The following PTPRD variants were observed in gnomAD, a reference collection of about 807,000 sequenced individuals.
The protein encoded by PTPRD is receptor-type tyrosine-protein phosphatase delta.
In PTPRD, 34 loss-of-function variants were observed where a neutral mutation model predicts 214.5. The observed-to-expected ratio is 0.16, with a 90% CI of 0.12 to 0.21. The LOEUF is 0.21. Among genes scored for constraint, PTPRD ranks in the 10% least tolerant of loss-of-function variants. PTPRD has a pLI of 1.00. For synonymous variants in PTPRD, 1,128 were observed against 845.7 expected (o/e 1.33, Z -5.79); for missense variants, 2,545 against 2,398.7 (o/e 1.06, Z -1.27).
chr9:9,642,709 C>G (rs534138432), intron 7 of PTPRD, among the ~76,000 whole-genome samples: 1 of 152,144 alleles, frequency 6.6e-6, no homozygotes, highest in Non-Finnish European at 1.5e-5. Context: ...AAAACACACA[C>G]AGAGGTAAAT....
At chr9:8,359,732 G>A (rs966313490) in intron 39 of PTPRD, among the ~76,000 whole-genome samples, 1 of 152,172 alleles carries the variant, frequency 6.6e-6, no homozygotes, top group Non-Finnish European at 1.5e-5. Flanking sequence ...CAGGTGGAGA[G>A]ACTCAGGAAC....
At chr9:10,054,308 G>A (rs972640172) in intron 3 of PTPRD, among the ~76,000 whole-genome samples, 3 of 152,138 alleles carry the variant, frequency 2.0e-5, no homozygotes, top group Admixed American at 1.3e-4. Flanking sequence ...TACCAGCAGA[G>A]AAATTTTATG....
At chr9:9,917,132 T>C (rs963912235) in intron 5 of PTPRD, among the ~76,000 whole-genome samples, 1 of 149,274 alleles carries the variant, frequency 6.7e-6, no homozygotes, top group Non-Finnish European at 1.5e-5. Context: ...AAATAAACAA[T>C]CTAACAATGA....
At chr9:8,712,740 G>T (rs1360554646) in intron 12 of PTPRD, among the ~76,000 whole-genome samples, 1 of 151,888 alleles carries the variant, frequency 6.6e-6, no homozygotes, top group Non-Finnish European at 1.5e-5. Flanking sequence ...TGGGGGGCAT[G>T]GACTTTCCCT....
rs1962390064 is a variant in PTPRD at position 9,315,651 on chromosome 9, TC to T, written c.-203+81797del. On this transcript the variant is annotated intron_variant, in intron 9 of 45. Transcript: ENST00000381196. ...TGGATCATGCTTTATATATTAACTT[TC>T]ATCTCATAATAATCATAAACACATT... Among the ~76,000 whole-genome samples, 4 of 151,928 alleles carry T rather than the reference TC, an allele frequency of 2.6e-5. No homozygotes were observed. The South Asian group carries it at 8.3e-4, about 32-fold the overall frequency.
intron 3 of PTPRD, among the ~76,000 whole-genome samples, chr9:10,162,933 T>G (rs1030445812): frequency 2.1e-4 from 31 of 150,572 alleles, no homozygotes; most frequent in South Asian, 2.1e-4. Context: ...ATGTATTACT[T>G]AATGTCAACA....
intron 2 of PTPRD, among the ~76,000 whole-genome samples, chr9:10,455,250 G>A (rs991266050): frequency 1.3e-5 from 2 of 151,440 alleles, no homozygotes; most frequent in African/African-American, 4.8e-5. Flanking sequence ...ATTACTTTAC[G>A]TGAAAGAATT....
intron 5 of PTPRD, among the ~76,000 whole-genome samples, chr9:9,806,532 C>G (rs965762228): frequency 1.3e-5 from 2 of 152,050 alleles, no homozygotes; most frequent in Admixed American, 6.6e-5. Context: ...TTTGTAACAT[C>G]CATCCCCTGC....
At chr9:8,430,015 G>A in intron 35 of PTPRD, among the ~76,000 whole-genome samples, 1 of 152,144 alleles carries the variant, frequency 6.6e-6, no homozygotes, top group Admixed American at 6.5e-5. Flanking sequence ...TCCAAAATGT[G>A]ACTTGTAAGT....
intron 2 of PTPRD, among the ~76,000 whole-genome samples, chr9:10,469,944 GA>G (rs534266855): frequency 1.1e-3 from 153 of 140,510 alleles, no homozygotes; most frequent in Middle Eastern, 3.6e-3. Context: ...TGTGAGAGCT[GA>G]AAAAAAAAAA....
intron 7 of PTPRD, among the ~76,000 whole-genome samples, chr9:9,718,958 T>C (rs1398560646): frequency 1.3e-5 from 2 of 152,090 alleles, no homozygotes; most frequent in African/African-American, 4.8e-5. Context: ...GGGTCCCTGG[T>C]GAAACCCACC....
At chr9:9,444,162 T>A (rs1238539303) in intron 8 of PTPRD, among the ~76,000 whole-genome samples, 1 of 152,192 alleles carries the variant, frequency 6.6e-6, no homozygotes, top group African/African-American at 2.4e-5. Flanking sequence ...CCATACCACT[T>A]AACATGTTCT....
rs72698995 is a variant in PTPRD, at chr9:10,454,822, C to T, written c.-599-113805G>A. 4.7e-3 allele frequency among the ~76,000 whole-genome samples: 709 copies of T among 151,858 alleles called. 4 individuals are homozygous for T. Among genetic ancestry groups the T allele is most frequent in the Non-Finnish European group, 7.7e-3 (523 of 67,738 alleles). ...TTCTAAAAATGTTTACACACACACACACACACATGCACATGCACACACACA... is the reference window on the plus strand; with the variant it reads ...TTCTAAAAATGTTTACACACACACATACACACATGCACATGCACACACACA... On this transcript the variant is annotated intron_variant, in intron 2 of 45. Coordinates refer to ENST00000381196, the MANE Select transcript of PTPRD (RefSeq NM_002839.4).
At chr9:10,031,625 CATAT>C (rs1171466919) in intron 4 of PTPRD, among the ~76,000 whole-genome samples, 3 of 87,386 alleles carry the variant, frequency 3.4e-5, no homozygotes, top group Admixed American at 1.3e-4. Flanking sequence ...TAAAAAACTC[CATAT>C]ATATATATAT....
intron 3 of PTPRD, among the ~76,000 whole-genome samples, chr9:10,331,589 C>G (rs2096751749): frequency 6.6e-6 from 1 of 151,778 alleles, no homozygotes. Flanking sequence ...TGCTTTCCTG[C>G]TCTTGTGTTA....
At chr9:9,245,575 C>G (rs2099972652) in intron 9 of PTPRD, among the ~76,000 whole-genome samples, 1 of 151,426 alleles carries the variant, frequency 6.6e-6, no homozygotes, top group Non-Finnish European at 1.5e-5. Flanking sequence ...ACAATGAGAA[C>G]ACTTGGACAC....
intron 9 of PTPRD, among the ~76,000 whole-genome samples, chr9:9,308,478 G>A (rs1385598536): frequency 6.6e-6 from 1 of 152,124 alleles, no homozygotes; most frequent in East Asian, 1.9e-4. Context: ...CATTTCTTGA[G>A]AATAAATCAT....
At chr9:8,585,063 G>A (rs1310233485) in intron 14 of PTPRD, among the ~76,000 whole-genome samples, 1 of 152,106 alleles carries the variant, frequency 6.6e-6, no homozygotes, top group Non-Finnish European at 1.5e-5. Flanking sequence ...AATTCAAGAT[G>A]AGATTTGGAA....
At position 9,718,440 on chromosome 9, in the gene PTPRD, G is replaced by C. The variant is rs2097872679; in HGVS notation, c.-287+16093C>G. On this transcript the variant is annotated intron_variant, in intron 7 of 45. Transcript: ENST00000381196. ...GCTCCATGGAACTGATGGGGGAGGG[G>C]AACAGGTGATCCCAGTGGGAGCCCT... Among the ~76,000 whole-genome samples the C allele has an allele frequency of 3.9e-5, 6 of 152,292 alleles. 1 individual carries two copies. In the South Asian group the frequency reaches 1.2e-3, roughly 32 times the overall value.
Sources: allele counts gnomAD v4.1 joint callset (sites outside exome capture counted in the v4.1 genomes callset), GRCh38; gene constraint gnomAD v4.1.1; transcripts MANE v1.5; gene names NCBI Gene and HGNC (gene_info 2026-07-23, HGNC 2026-07-21).